The following BDNF variants were observed in gnomAD, a reference collection of about 807,000 sequenced individuals.
BDNF encodes brain derived neurotrophic factor, also known as neurotrophic factor BDNF precursor form.
In BDNF, 1 loss-of-function variant was observed where a neutral mutation model predicts 19.5. The observed-to-expected ratio is 0.05, with a 90% CI of 0.02 to 0.24. BDNF has a LOEUF of 0.24. Among genes scored for constraint, BDNF ranks in the 10% least tolerant of loss-of-function variants. The pLI, the probability that BDNF is intolerant of heterozygous loss-of-function variation, is 1.00. For missense variants in BDNF, 195 were observed against 317.6 expected, an observed-to-expected ratio of 0.61 and a Z score of 2.93; for synonymous variants, 100 against 121.6, an observed-to-expected ratio of 0.82 and a Z score of 1.17.
At chr11:27,661,936 C>T (rs1853510705) in intron 1 of BDNF, among the ~76,000 whole-genome samples, 1 of 152,208 alleles carries the variant, frequency 6.6e-6, no homozygotes, top group South Asian at 2.1e-4. Context: ...CTCCAGCATA[C>T]ACTGCCTTCC....
At chr11:27,680,769 C>T (rs1028629773) in intron 1 of BDNF, among the ~76,000 whole-genome samples, 11 of 152,162 alleles carry the variant, frequency 7.2e-5, no homozygotes, top group Admixed American at 2.0e-4. Context: ...GGGATAAGGA[C>T]TATATCTCAT....
chr11:27,686,282 A>G (rs981606399), intron 1 of BDNF, among the ~76,000 whole-genome samples: 6 of 151,858 alleles, frequency 4.0e-5, no homozygotes, highest in African/African-American at 1.2e-4. Flanking sequence ...TTTTCAGCCT[A>G]TGTGTGTCTT....
chr11:27,657,096 C>T lies in BDNF; in HGVS notation c.*725G>A. ...GTGTGAGCATTTTTTTGTTCAGTTG[C>T]CTTAATTTTTATTCACTTTCTAGTC... is the stretch of plus-strand genomic sequence containing the variant. On this transcript the variant is annotated 3_prime_UTR_variant, in exon 2 of 2. Coordinates refer to ENST00000356660, the MANE Select transcript of BDNF (RefSeq NM_001709.5). This position sits in a 1 kb window ranked among gnomAD's most constrained non-coding sequence, Gnocchi z 5.0. The T allele has an allele frequency of 1.0e-6, 1 of 985,492 alleles. No individual in the cohort carries two copies. The highest frequency in any genetic ancestry group is 1.2e-6 in the Non-Finnish European group (1 of 829,868). 61.0% of individuals were successfully genotyped at this position (985,492 alleles called of 1,614,324 possible). A position where few individuals can be genotyped will look rare whatever the true frequency, so the allele number is the denominator to read the frequency against.
In BDNF at chr11:27,658,612, A is replaced by G. The variant is rs1369705110; in HGVS notation, c.-21-27T>C. 1.2e-6 allele frequency: 2 copies of G among 1,614,100 alleles called. No individual in the cohort carries two copies. The highest frequency in any genetic ancestry group is 1.7e-6 in the Non-Finnish European group (2 of 1,180,048). ...TGTAGGGAGAAAGCAGAAACAAGAC[A>G]GAAAACTGGTTAGGGCTTTCTTTCA... On this transcript the variant is annotated intron_variant, in intron 1 of 1. Coordinates refer to ENST00000356660, the MANE Select transcript of BDNF (RefSeq NM_001709.5). The surrounding 1 kb of genome is among the most constrained non-coding windows in gnomAD (Gnocchi z 5.7).
intron 1 of BDNF, chr11:27,699,740 A>T (rs1269397894): frequency 1.5e-6 from 2 of 1,330,668 alleles, no homozygotes; most frequent in Non-Finnish European, 1.9e-6. Flanking sequence ...CGGCGCGGGG[A>T]CCACCCACCC....
chr11:27,719,132 G>A (rs895511517), intron 1 of BDNF, among the ~76,000 whole-genome samples: 1 of 152,198 alleles, frequency 6.6e-6, no homozygotes, highest in Admixed American at 6.5e-5. Flanking sequence ...GCTGTCCCCC[G>A]GGGGTGCAGG....
intron 1 of BDNF, among the ~76,000 whole-genome samples, chr11:27,671,149 A>G (rs1388485568): frequency 6.6e-6 from 1 of 151,974 alleles, no homozygotes; most frequent in African/African-American, 2.4e-5. Context: ...ACACACTGGG[A>G]CCTGTCATGG....
chr11:27,659,014 G>C, intron 1 of BDNF: 1 of 1,084,304 alleles, frequency 9.2e-7, no homozygotes, highest in Non-Finnish European at 1.1e-6. Context: ...TAGCAACATG[G>C]TCCTTTGCAG....
At chr11:27,690,340 A>G (rs567599059) in intron 1 of BDNF, among the ~76,000 whole-genome samples, 1 of 152,218 alleles carries the variant, frequency 6.6e-6, no homozygotes, top group African/African-American at 2.4e-5. Flanking sequence ...CTTGGGAGTA[A>G]AAGAGAAGGC....
intron 1 of BDNF, chr11:27,676,084 C>A (rs1038098895): frequency 2.0e-5 from 3 of 152,202 alleles, no homozygotes; most frequent in Non-Finnish European, 1.5e-5. Flanking sequence ...TTTAGAGGAG[C>A]AGCTGCAAGG....
At chr11:27,710,740 T>C (rs1423524165) in intron 1 of BDNF, among the ~76,000 whole-genome samples, 1 of 152,222 alleles carries the variant, frequency 6.6e-6, no homozygotes, top group Non-Finnish European at 1.5e-5. Flanking sequence ...TGCAGTATTA[T>C]AGCCAGTAAC....
chr11:27,681,382 CAG>C (rs1856814553), intron 1 of BDNF, among the ~76,000 whole-genome samples: 1 of 152,108 alleles, frequency 6.6e-6, no homozygotes, highest in African/African-American at 2.4e-5. Context: ...CTACAACTTC[CAG>C]CCTAGAATCT....
In BDNF at chr11:27,656,518, C is replaced by T. The variant is rs1311467153; in HGVS notation, c.*1303G>A. The T allele has an allele frequency of 2.0e-6, 2 of 983,452 alleles. No individual in the cohort carries two copies. The highest frequency in any genetic ancestry group is 1.7e-5 in the African/African-American group (1 of 57,284). The allele number at this position is 983,452 out of a possible 1,614,324, so 60.9% of individuals were successfully genotyped here. ...GGAATGTCTCAAATACCATGCCCCA[C>T]CTCCACCTAGACCTTGGGATGGCCA... On this transcript the variant is annotated 3_prime_UTR_variant, in exon 2 of 2. Coordinates refer to ENST00000356660, the MANE Select transcript of BDNF (RefSeq NM_001709.5).
intron 1 of BDNF, among the ~76,000 whole-genome samples, chr11:27,692,713 T>C (rs1252907665): frequency 6.6e-6 from 1 of 152,196 alleles, no homozygotes; most frequent in Non-Finnish European, 1.5e-5. Context: ...ATTTGCTAAA[T>C]TAAATTAATG....
intron 1 of BDNF, among the ~76,000 whole-genome samples, chr11:27,699,200 A>C (rs1310109678): frequency 5.4e-5 from 6 of 111,556 alleles, no homozygotes; most frequent in Admixed American, 2.1e-4. Flanking sequence ...CCTCCCCTCC[A>C]CCCCGGTCCC....
In BDNF at chr11:27,700,175, C is replaced by A; in HGVS notation, c.-33G>T. ...CAGCGCTTGCCTACCTCGGGGTCCA[C>A]ACAAACCTCACGGGTCCCCGGCGGC... On this transcript the variant is annotated 5_prime_UTR_variant, in exon 1 of 2. Coordinates refer to ENST00000356660, the MANE Select transcript of BDNF (RefSeq NM_001709.5). The A allele has an allele frequency of 1.0e-6, 1 of 985,912 alleles. No homozygotes were observed. 61.1% of individuals were successfully genotyped at this position (985,912 alleles called of 1,614,324 possible). A position where few individuals can be genotyped will look rare whatever the true frequency, so the allele number is the denominator to read the frequency against.
At chr11:27,712,682 A>ATT (rs906477546) in intron 1 of BDNF, among the ~76,000 whole-genome samples, 1 of 145,940 alleles carries the variant, frequency 6.9e-6, no homozygotes. Flanking sequence ...CGCCCAGCTA[A>ATT]TTTTTTTTTT....
At chr11:27,664,440 AAAG>A (rs1853983373) in intron 1 of BDNF, among the ~76,000 whole-genome samples, 1 of 152,106 alleles carries the variant, frequency 6.6e-6, no homozygotes, top group South Asian at 2.1e-4. Context: ...TTATAAAGAG[AAAG>A]AAGTTACTTC....
chr11:27,662,462 A>C (rs764971377), intron 1 of BDNF, among the ~76,000 whole-genome samples: 3 of 152,224 alleles, frequency 2.0e-5, no homozygotes, highest in Non-Finnish European at 4.4e-5. Context: ...TGAAATTCTC[A>C]GGTAAATATA....
Sources: allele counts gnomAD v4.1 joint callset (sites outside exome capture counted in the v4.1 genomes callset), GRCh38; gene constraint gnomAD v4.1.1; non-coding constraint Gnocchi (gnomAD v3.1); transcripts MANE v1.5; gene names NCBI Gene and HGNC (gene_info 2026-07-23, HGNC 2026-07-21).